Variants in CYFIP1 observed in about 807,000 individuals in gnomAD.
The protein encoded by CYFIP1 is cytoplasmic FMR1 interacting protein 1.
A neutral mutation model predicts 163.5 loss-of-function variants in CYFIP1; 58 were observed. The observed-to-expected ratio is 0.35, with a 90% CI of 0.29 to 0.44. The LOEUF is 0.44. CYFIP1 is among the 20% of genes least tolerant of loss of function. The pLI is 1.00. For synonymous variants in CYFIP1, 663 were observed against 660.7 expected (o/e 1.00, Z -0.05); for missense variants, 1,338 against 1,653.8 (o/e 0.81, Z 3.31).
At chr15:22,949,560 G>C (rs2062179633) in intron 1 of CYFIP1, among the ~76,000 whole-genome samples, 1 of 152,206 alleles carries the variant, frequency 6.6e-6, no homozygotes, top group African/African-American at 2.4e-5. Flanking sequence ...CTTCCAAAGT[G>C]CTTGGCGGTT....
intron 26 of CYFIP1, among the ~76,000 whole-genome samples, chr15:22,878,384 G>A (rs1042275161): frequency 2.6e-5 from 4 of 152,096 alleles, no homozygotes; most frequent in Admixed American, 6.5e-5. Flanking sequence ...GAGACAGGCC[G>A]GTGTGCCCAT....
At chr15:22,976,436 G>A (rs899555061) in intron 1 of CYFIP1, among the ~76,000 whole-genome samples, 6 of 152,294 alleles carry the variant, frequency 3.9e-5, no homozygotes, top group East Asian at 1.9e-4. Context: ...GATTACAGGC[G>A]TGAGCAACCA....
intron 23 of CYFIP1, among the ~76,000 whole-genome samples, chr15:22,892,337 A>G (rs2060106386): frequency 6.6e-6 from 1 of 152,214 alleles, no homozygotes; most frequent in South Asian, 2.1e-4. Context: ...TGACAAGCCA[A>G]GCCACCCCCA....
intron 1 of CYFIP1, among the ~76,000 whole-genome samples, chr15:22,961,189 T>C (rs1477907976): frequency 1.3e-5 from 2 of 151,008 alleles, no homozygotes; most frequent in African/African-American, 2.4e-5. Flanking sequence ...GCCGGGCTAA[T>C]GTTTGTATTT....
chr15:22,917,315 T>G lies in CYFIP1; in HGVS notation c.1674+473A>C. 7.6e-7 allele frequency: 1 copy of G among 1,312,918 alleles called. No individual in the cohort carries two copies. Among genetic ancestry groups the G allele is most frequent in the Non-Finnish European group, 9.7e-7 (1 of 1,034,146 alleles). 81.3% of individuals were successfully genotyped at this position (1,312,918 alleles called of 1,614,324 possible). A position where few individuals can be genotyped will look rare whatever the true frequency, so the allele number is the denominator to read the frequency against. ...ACGCAGCGGTGTGGATTAAACCGGG[T>G]GTGAAAGTCGTGAGAAGCACCTCGG... On this transcript the variant is annotated intron_variant, in intron 15 of 30. Transcript: ENST00000617928. The surrounding 1 kb of genome is among the most constrained non-coding windows in gnomAD (Gnocchi z 4.2).
At chr15:22,957,240 C>T (rs1015606763) in intron 1 of CYFIP1, among the ~76,000 whole-genome samples, 45 of 152,364 alleles carry the variant, frequency 3.0e-4, no homozygotes, top group African/African-American at 9.1e-4. Context: ...CGGTGGCTCA[C>T]GCCTGTAATC....
intron 1 of CYFIP1, among the ~76,000 whole-genome samples, chr15:22,952,377 A>G (rs1308096402): frequency 6.6e-6 from 1 of 151,994 alleles, no homozygotes; most frequent in African/African-American, 2.4e-5. Context: ...AAGATGGGGG[A>G]GGACGCGGTG....
chr15:22,969,919 A>C (rs566912426), intron 1 of CYFIP1, among the ~76,000 whole-genome samples: 2 of 152,220 alleles, frequency 1.3e-5, no homozygotes, highest in Non-Finnish European at 2.9e-5. Flanking sequence ...TACAAACATT[A>C]TGATAAAAAG....
intron 1 of CYFIP1, among the ~76,000 whole-genome samples, chr15:22,952,251 T>G (rs559062910): frequency 1.3e-5 from 2 of 152,172 alleles, no homozygotes; most frequent in South Asian, 4.1e-4. Flanking sequence ...AGTTGGTGTT[T>G]AGTGGATACA....
intron 1 of CYFIP1, among the ~76,000 whole-genome samples, chr15:22,972,998 T>C (rs2063150028): frequency 6.6e-6 from 1 of 152,082 alleles, no homozygotes; most frequent in Non-Finnish European, 1.5e-5. Context: ...TAGCCGGGCA[T>C]GGTGGTGCAC....
rs1176896511 is a variant in CYFIP1, at chr15:22,875,209, G to A, written c.3105C>T (p.Val1035=). The part of the protein sequence containing the change: ...AAPFQNILPR[V]HVKEGERLDA... ...GGTCAGCAGGCTCACCTTTCACATG[G>A]ACTCGCGGCAAGATGTTCTGGAAAG... The change falls in exon 27 of 31, where the codon GTC becomes GTT. Residue 1035 remains valine (V), a synonymous_variant. Coordinates refer to ENST00000617928, the MANE Select transcript of CYFIP1 (RefSeq NM_014608.6). 2 of 1,614,032 alleles carry A rather than the reference G, an allele frequency of 1.2e-6. No homozygotes were observed. Among genetic ancestry groups the A allele is most frequent in the Admixed American group, 1.7e-5 (1 of 60,010 alleles).
At chr15:22,908,390 A>T (rs572204528) in intron 21 of CYFIP1, among the ~76,000 whole-genome samples, 4 of 152,262 alleles carry the variant, frequency 2.6e-5, no homozygotes, top group African/African-American at 9.6e-5. Flanking sequence ...CTGAAGGTCC[A>T]GATAACAGGA....
intron 1 of CYFIP1, among the ~76,000 whole-genome samples, chr15:22,964,373 A>T (rs2062824781): frequency 1.7e-5 from 2 of 117,220 alleles, no homozygotes; most frequent in African/African-American, 3.4e-5. Flanking sequence ...ACACACACAC[A>T]CACACACACA....
Position 22,907,308 on chromosome 15 carries a change from T to C in CYFIP1, c.2388+1886A>G, listed in dbSNP as rs560929468. Among the ~76,000 whole-genome samples, 4 of 152,274 alleles carry C rather than the reference T, an allele frequency of 2.6e-5. No individual in the cohort carries two copies. In the East Asian group the frequency reaches 7.7e-4, roughly 29 times the overall value. ...GCCAGGTGGCGGGCAGCACAACTCA[T>C]GTGTACTCAAATTGCCTGACTCACA... On this transcript the variant is annotated intron_variant, in intron 21 of 30. Coordinates refer to ENST00000617928, the MANE Select transcript of CYFIP1 (RefSeq NM_014608.6).
At position 22,944,620 on chromosome 15, in the gene CYFIP1, C is replaced by G. The variant is rs1011677109; in HGVS notation, c.325G>C (p.Glu109Gln). ...GGCTCCAGAACCTCCACGGTTTTCT[C>G]GTAGATTTCCACTCTGTTAGGCTGC... ...NEQPNRVEIY[E>Q]KTVEVLEPEV... Residue 109 changes from glutamate (E) to glutamine (Q), a missense_variant, in exon 5 of 31, where the codon GAG becomes CAG. By Grantham distance (29) the Glu-to-Gln change is conservative. Around this residue, in one of 4 missense-constraint regions of CYFIP1, gnomAD observed 186 missense variants for 288.3 expected, o/e 0.65. Coordinates refer to ENST00000617928, the MANE Select transcript of CYFIP1 (RefSeq NM_014608.6). The G allele has an allele frequency of 5.0e-6, 8 of 1,613,842 alleles. No individual in the cohort carries two copies. The highest frequency in any genetic ancestry group is 3.3e-4 in the Middle Eastern group (2 of 6,084).
chr15:22,929,149 G>A (rs182108413), intron 11 of CYFIP1, among the ~76,000 whole-genome samples: 1 of 151,728 alleles, frequency 6.6e-6, no homozygotes, highest in Non-Finnish European at 1.5e-5. Flanking sequence ...GAACCCAGGA[G>A]GCGAAGATTG....
intron 22 of CYFIP1, among the ~76,000 whole-genome samples, chr15:22,900,751 G>A (rs1338380674): frequency 6.6e-6 from 1 of 151,874 alleles, no homozygotes; most frequent in Non-Finnish European, 1.5e-5. Flanking sequence ...GGCCCCAGGA[G>A]ACTGAAACCA....
At chr15:22,968,519 G>GT (rs1212842443) in intron 1 of CYFIP1, among the ~76,000 whole-genome samples, 1 of 152,134 alleles carries the variant, frequency 6.6e-6, no homozygotes, top group African/African-American at 2.4e-5. Flanking sequence ...CTCTACAATT[G>GT]TGAGTCAGAT....
At chr15:22,947,334 G>A (rs772520720) in intron 1 of CYFIP1, 43 bp from the exon 2 acceptor site, 4 of 1,595,100 alleles carry the variant, frequency 2.5e-6, no homozygotes, top group Admixed American at 1.7e-5. Flanking sequence ...AGGAGAAGGA[G>A]GGGACACCCA....
Sources: allele counts gnomAD v4.1 joint callset (sites outside exome capture counted in the v4.1 genomes callset), GRCh38; gene constraint gnomAD v4.1.1; regional missense constraint gnomAD v4.1.1; non-coding constraint Gnocchi (gnomAD v3.1); transcripts MANE v1.5; gene names NCBI Gene and HGNC (gene_info 2026-07-23, HGNC 2026-07-21).